The following SAMMSON variants were observed in gnomAD, a reference collection of about 807,000 sequenced individuals.
The protein encoded by SAMMSON is survival associated mitochondrial melanoma specific oncogenic non-coding RNA.
intron 1 of SAMMSON, among the ~76,000 whole-genome samples, chr3:70,008,938 T>C (rs1457736055): frequency 6.6e-6 from 1 of 152,156 alleles, no homozygotes; most frequent in Non-Finnish European, 1.5e-5. Context: ...TGCTGGATTA[T>C]GTTTATTGAT....
chr3:70,062,037 G>A (rs952852702), intron 3 of SAMMSON, among the ~76,000 whole-genome samples: 3 of 152,042 alleles, frequency 2.0e-5, no homozygotes, highest in South Asian at 4.1e-4. Context: ...CCATTCTACA[G>A]GCAAACCCTC....
chr3:70,180,397 G>T lies in SAMMSON; in HGVS notation n.508-68710G>T, dbSNP rs1038481389. ...ATCATATTGACAGTTACTCATATATGTGTAACTGTATATACTACCTACATA... is the reference window on the plus strand; with the variant it reads ...ATCATATTGACAGTTACTCATATATTTGTAACTGTATATACTACCTACATA... On this transcript the variant is annotated intron_variant and non_coding_transcript_variant, in intron 4 of 9. Coordinates refer to ENST00000642114, the Ensembl canonical transcript of SAMMSON. Among the ~76,000 whole-genome samples, 17 of 151,988 alleles carry T rather than the reference G, an allele frequency of 1.1e-4. 1 individual carries two copies. The highest frequency in any genetic ancestry group is 8.5e-4 in the Admixed American group (13 of 15,252).
chr3:70,234,692 T>C lies in SAMMSON; in HGVS notation n.508-14415T>C, dbSNP rs1054374194. Among the ~76,000 whole-genome samples, 4 of 151,996 alleles carry C rather than the reference T, an allele frequency of 2.6e-5. No individual in the cohort carries two copies. In the South Asian group the frequency reaches 8.3e-4, roughly 31 times the overall value. ...TTAATAGAGCTATGGTCACAAGTAA[T>C]GGACACACATACATCTACTTTGCAG... On this transcript the variant is annotated intron_variant and non_coding_transcript_variant, in intron 4 of 9. Coordinates refer to ENST00000642114, the Ensembl canonical transcript of SAMMSON.
rs567100505 is a variant in SAMMSON, at chr3:70,273,102, G to C, written n.675-18077G>C. ...GTGACCCAAGTTTTGTCTGGGAAAG[G>C]CTGCCGTTACAAGGAAGATGAATAC... On this transcript the variant is annotated intron_variant and non_coding_transcript_variant, in intron 6 of 9. Coordinates refer to ENST00000642114, the Ensembl canonical transcript of SAMMSON. 3.3e-5 allele frequency among the ~76,000 whole-genome samples: 5 copies of C among 152,264 alleles called. No homozygotes were observed. The East Asian group carries it at 9.7e-4, about 29-fold the overall frequency.
chr3:70,101,757 T>A (rs1012543780), intron 4 of SAMMSON, among the ~76,000 whole-genome samples: 3 of 152,180 alleles, frequency 2.0e-5, no homozygotes, highest in Admixed American at 1.3e-4. Flanking sequence ...GAATTCCTCA[T>A]TTGACTCGTA....
intron 9 of SAMMSON, among the ~76,000 whole-genome samples, chr3:70,383,981 T>G (rs1703098750): frequency 6.6e-6 from 1 of 152,018 alleles, no homozygotes; most frequent in African/African-American, 2.4e-5. Context: ...TTTTGAATTT[T>G]TTTTACCCTG....
At chr3:70,376,371 C>T (rs140236488) in intron 9 of SAMMSON, among the ~76,000 whole-genome samples, 2 of 152,202 alleles carry the variant, frequency 1.3e-5, no homozygotes, top group East Asian at 3.9e-4. Context: ...TTATAAATGC[C>T]ATATACACTA....
intron 3 of SAMMSON, among the ~76,000 whole-genome samples, chr3:70,021,431 T>G (rs563905977): frequency 1.3e-5 from 2 of 152,330 alleles, no homozygotes; most frequent in East Asian, 3.9e-4. Flanking sequence ...AATGATGAAG[T>G]TCATCCACTT....
At chr3:70,108,442 A>G in intron 4 of SAMMSON, among the ~76,000 whole-genome samples, 1 of 27,648 alleles carries the variant, frequency 3.6e-5, no homozygotes, top group Non-Finnish European at 7.2e-5. Context: ...TTTTTTTTTT[A>G]TCATAACTCA....
intron 7 of SAMMSON, among the ~76,000 whole-genome samples, chr3:70,309,625 C>T (rs1354757019): frequency 6.6e-6 from 1 of 152,100 alleles, no homozygotes; most frequent in East Asian, 1.9e-4. Flanking sequence ...GCTCTTTTTA[C>T]TGCACCACTT....
chr3:70,277,859 A>G (rs1467967039), intron 6 of SAMMSON, among the ~76,000 whole-genome samples: 2 of 152,128 alleles, frequency 1.3e-5, no homozygotes, highest in Non-Finnish European at 2.9e-5. Flanking sequence ...GGCAAGACAG[A>G]TCTGATTAAG....
At chr3:70,126,501 G>T in intron 4 of SAMMSON, 2 of 627,364 alleles carry the variant, frequency 3.2e-6, no homozygotes, top group Non-Finnish European at 5.9e-6. Flanking sequence ...TCAGCGGTCA[G>T]CTCAGCTGGC....
At chr3:70,192,881 C>T (rs914111062) in intron 4 of SAMMSON, among the ~76,000 whole-genome samples, 1 of 152,148 alleles carries the variant, frequency 6.6e-6, no homozygotes, top group Non-Finnish European at 1.5e-5. Flanking sequence ...TTGAGACTGA[C>T]AGAATGCTTC....
intron 1 of SAMMSON, among the ~76,000 whole-genome samples, chr3:70,001,470 A>G (rs548088962): frequency 2.0e-3 from 296 of 150,392 alleles, no homozygotes; most frequent in Non-Finnish European, 3.3e-3. Flanking sequence ...TTTTTTTTTA[A>G]GAATATGTTC....
intron 4 of SAMMSON, among the ~76,000 whole-genome samples, chr3:70,226,475 C>T (rs932710003): frequency 1.3e-5 from 2 of 152,128 alleles, no homozygotes; most frequent in Admixed American, 6.5e-5. Context: ...CAGTGGCTCA[C>T]GCCTGTAATC....
chr3:70,194,159 C>T (rs559483393), intron 4 of SAMMSON, among the ~76,000 whole-genome samples: 17 of 152,168 alleles, frequency 1.1e-4, no homozygotes, highest in Middle Eastern at 3.4e-3. Context: ...GTAGCTATGT[C>T]GTTATAATGC....
chr3:70,178,137 G>T (rs552762622), intron 4 of SAMMSON, among the ~76,000 whole-genome samples: 2 of 152,216 alleles, frequency 1.3e-5, no homozygotes, highest in South Asian at 2.1e-4. Flanking sequence ...CCCCAGGAGG[G>T]CTGTCCTATT....
chr3:70,285,420 G>C (rs1002428753), intron 6 of SAMMSON, among the ~76,000 whole-genome samples: 11 of 151,996 alleles, frequency 7.2e-5, no homozygotes, highest in Non-Finnish European at 1.5e-4. Context: ...GTATTCTATG[G>C]TGTATATATG....
At chr3:70,202,517 A>T (rs1701249682) in intron 4 of SAMMSON, among the ~76,000 whole-genome samples, 1 of 152,066 alleles carries the variant, frequency 6.6e-6, no homozygotes, top group Non-Finnish European at 1.5e-5. Context: ...TTGTATATTA[A>T]ATCTCCTCTA....
Sources: gnomAD v4.1 joint callset for allele counts (sites outside exome capture counted in the v4.1 genomes callset) on GRCh38, gnomAD v4.1.1 for gene constraint, MANE v1.5 for transcripts, NCBI Gene and HGNC (gene_info 2026-07-23, HGNC 2026-07-21) for gene names.